Variants in TSGA10 observed in about 807,000 individuals in gnomAD.
TSGA10 encodes testis specific 10.
TSGA10 carries 43 observed loss-of-function variants against 96.6 expected under a neutral mutation model. The observed-to-expected ratio is 0.44, with a 90% confidence interval of 0.35 to 0.57. The LOEUF (loss-of-function observed/expected upper bound fraction) is 0.57. Ranked by LOEUF, TSGA10 falls within the 20% of genes least tolerant of loss-of-function variation. The pLI is 0.01. For missense variants in TSGA10, 703 were observed against 834.4 expected (o/e 0.84, Z 1.94); for synonymous variants, 229 against 269.9 (o/e 0.85, Z 1.48).
intron 1 of TSGA10, chr2:99,140,952 G>T (rs2093516398): frequency 1.8e-6 from 1 of 565,902 alleles, no homozygotes; most frequent in South Asian, 2.2e-5. Flanking sequence ...AGCCGCTCCC[G>T]CTGCTAGCGC....
intron 1 of TSGA10, among the ~76,000 whole-genome samples, chr2:99,128,399 T>A (rs992591220): frequency 1.3e-4 from 20 of 152,348 alleles, no homozygotes; most frequent in African/African-American, 4.1e-4. Flanking sequence ...ATGGTTTCTG[T>A]TAAAAATGTA....
intron 16 of TSGA10, 74 bp from the exon 17 acceptor site, chr2:99,035,513 T>C (rs2081537241): frequency 2.9e-6 from 3 of 1,050,202 alleles, no homozygotes; most frequent in South Asian, 1.9e-5. Flanking sequence ...CATGGAAAAA[T>C]GAAGTGGGGC....
chr2:99,097,966 A>G (rs926956249), intron 10 of TSGA10, among the ~76,000 whole-genome samples: 1 of 152,198 alleles, frequency 6.6e-6, no homozygotes, highest in African/African-American at 2.4e-5. Flanking sequence ...ACTTAGTAAT[A>G]GAAAAATTGT....
chr2:99,104,722 G>A (rs1484970521), intron 9 of TSGA10, among the ~76,000 whole-genome samples: 1 of 152,060 alleles, frequency 6.6e-6, no homozygotes, highest in African/African-American at 2.4e-5. Context: ...TGATCCACCC[G>A]CCTTGGCCTC....
chr2:99,142,691 C>T (rs1177350624), intron 1 of TSGA10, among the ~76,000 whole-genome samples: 2 of 152,056 alleles, frequency 1.3e-5, no homozygotes, highest in South Asian at 2.1e-4. Flanking sequence ...TTTAAATGCA[C>T]AAAATAACAA....
At chr2:99,139,092 T>A (rs1019032134) in intron 1 of TSGA10, among the ~76,000 whole-genome samples, 10 of 152,292 alleles carry the variant, frequency 6.6e-5, no homozygotes, top group Non-Finnish European at 1.5e-4. Flanking sequence ...AGTTCCTGTA[T>A]CTACAAAAAT....
At chr2:99,013,247 G>C (rs1334734635) in intron 20 of TSGA10, among the ~76,000 whole-genome samples, 1 of 152,094 alleles carries the variant, frequency 6.6e-6, no homozygotes, top group African/African-American at 2.4e-5. Flanking sequence ...TCAGTTCAAA[G>C]AAGTTTTTAA....
intron 16 of TSGA10, among the ~76,000 whole-genome samples, chr2:99,053,431 T>C (rs914874940): frequency 2.0e-5 from 3 of 151,888 alleles, no homozygotes; most frequent in Non-Finnish European, 4.4e-5. Flanking sequence ...GTAGCATTTA[T>C]CCCTGAGATG....
At chr2:99,004,564 C>A (rs1284762816) in intron 20 of TSGA10, among the ~76,000 whole-genome samples, 1 of 152,142 alleles carries the variant, frequency 6.6e-6, no homozygotes, top group East Asian at 1.9e-4. Context: ...AATTCCTCAA[C>A]ACATACACGC....
chr2:99,023,534 T>C (rs1201270160), intron 17 of TSGA10, among the ~76,000 whole-genome samples: 1 of 152,232 alleles, frequency 6.6e-6, no homozygotes, highest in African/African-American at 2.4e-5. Context: ...TAATACAGTT[T>C]TGGCTGTTAC....
intron 17 of TSGA10, among the ~76,000 whole-genome samples, chr2:99,021,762 C>T (rs1029870795): frequency 1.3e-4 from 20 of 152,296 alleles, no homozygotes; most frequent in African/African-American, 4.6e-4. Context: ...TCTCTTTCAG[C>T]TGAACTGGAA....
At chr2:99,129,129 A>AT (rs2092956421) in intron 1 of TSGA10, among the ~76,000 whole-genome samples, 1 of 152,178 alleles carries the variant, frequency 6.6e-6, no homozygotes, top group African/African-American at 2.4e-5. Flanking sequence ...AACTTAAGAC[A>AT]TTTTTAAGGC....
chr2:99,087,378 T>C (rs796732509), intron 10 of TSGA10, among the ~76,000 whole-genome samples: 8 of 150,960 alleles, frequency 5.3e-5, no homozygotes, highest in African/African-American at 1.7e-4. Context: ...TAGTGGCGCA[T>C]GCCTGTAATC....
chr2:99,080,291 A>G (rs1054507063), intron 11 of TSGA10, among the ~76,000 whole-genome samples: 2 of 152,246 alleles, frequency 1.3e-5, no homozygotes, highest in Admixed American at 6.5e-5. Context: ...TCACTTCTCA[A>G]AAGTGTCTGA....
At chr2:99,061,029 C>A (rs1444612836) in intron 16 of TSGA10, among the ~76,000 whole-genome samples, 1 of 152,014 alleles carries the variant, frequency 6.6e-6, no homozygotes, top group Non-Finnish European at 1.5e-5. Flanking sequence ...CATAGAAGTA[C>A]AAAGTATAAA....
chr2:99,112,619 A>G (rs2104870523), intron 4 of TSGA10, among the ~76,000 whole-genome samples: 1 of 152,114 alleles, frequency 6.6e-6, no homozygotes, highest in East Asian at 2.0e-4. Context: ...GGCAAAAAAC[A>G]TTGCAGGCAA....
intron 20 of TSGA10, among the ~76,000 whole-genome samples, chr2:99,013,709 T>G (rs1394692449): frequency 1.3e-5 from 2 of 151,674 alleles, no homozygotes; most frequent in African/African-American, 4.8e-5. Context: ...TAAAAATACA[T>G]GGACATTAAA....
chr2:99,104,574 A>G (rs1371038988), intron 9 of TSGA10, among the ~76,000 whole-genome samples: 1 of 151,908 alleles, frequency 6.6e-6, no homozygotes, highest in Non-Finnish European at 1.5e-5. Context: ...TCCCGGGTGC[A>G]AGCAATTCTC....
rs200891345 is a variant in TSGA10 at position 99,078,271 on chromosome 2, GA to G, written c.882+387del. ...GGGCAAGGGAGGAAGACTCCCGTTT[GA>G]AAAAAAAAAAAAAAAAAAAAGTGTT... On this transcript the variant is annotated intron_variant, in intron 12 of 20. Transcript: ENST00000393483. Among the ~76,000 whole-genome samples, 196 of 81,456 alleles carry G rather than the reference GA, an allele frequency of 2.4e-3. 1 individual carries two copies. Among genetic ancestry groups the G allele is most frequent in the African/African-American group, 4.2e-3 (99 of 23,576 alleles). The allele number at this position is 81,456 out of a possible 152,430, so 53.4% of individuals were successfully genotyped here. A position where few individuals can be genotyped will look rare whatever the true frequency, so the allele number is the denominator to read the frequency against.
Sources: allele counts gnomAD v4.1 joint callset (sites outside exome capture counted in the v4.1 genomes callset), GRCh38; gene constraint gnomAD v4.1.1; transcripts MANE v1.5; gene names NCBI Gene and HGNC (gene_info 2026-07-23, HGNC 2026-07-21).